Variants in WNK1 observed in about 807,000 individuals in gnomAD.
WNK1 encodes the protein WNK lysine deficient protein kinase 1, also known as serine/threonine-protein kinase WNK1.
In WNK1, 38 loss-of-function variants were observed where a neutral mutation model predicts 222.8. The observed-to-expected ratio is 0.17, with a 90% CI of 0.13 to 0.22. The LOEUF is 0.22. Among genes scored for constraint, WNK1 ranks in the 10% least tolerant of loss-of-function variants. WNK1 has a pLI of 1.00. For missense variants in WNK1, 2,348 were observed against 2,918.4 expected (o/e 0.80, Z 4.50); for synonymous variants, 1,090 against 1,092.9 (o/e 1.00, Z 0.05).
In WNK1 at chr12:845,434, A is replaced by G. The variant is rs180877080; in HGVS notation, c.1312-11727A>G. On this transcript the variant is annotated intron_variant, in intron 4 of 27. Transcript: ENST00000315939. ...ATTGTGTATACCCTGGCTATTAGTA[A>G]CCAGTAAACCACTCTCCCCCTTCTG... 1.3e-4 allele frequency among the ~76,000 whole-genome samples: 20 copies of G among 152,234 alleles called. No homozygotes were observed. The East Asian group carries it at 3.7e-3, about 28-fold the overall frequency.
At chr12:846,398 TTATA>T (rs1190569964) in intron 4 of WNK1, among the ~76,000 whole-genome samples, 1 of 152,192 alleles carries the variant, frequency 6.6e-6, no homozygotes, top group East Asian at 1.9e-4. Flanking sequence ...TATCAACTTT[TTATA>T]TGAAGGATAG....
chr12:793,675 A>G (rs1435122720), intron 1 of WNK1, among the ~76,000 whole-genome samples: 4 of 152,312 alleles, frequency 2.6e-5, no homozygotes, highest in South Asian at 2.1e-4. Flanking sequence ...TAGAAGCACT[A>G]TAGGTTGACT....
chr12:828,267 C>G (rs1472505586), intron 3 of WNK1, among the ~76,000 whole-genome samples: 3 of 151,988 alleles, frequency 2.0e-5, no homozygotes, highest in African/African-American at 7.2e-5. Context: ...GATTGCGCCA[C>G]TGCACTCTAG....
chr12:863,531 TA>T (rs1951377448), intron 8 of WNK1, among the ~76,000 whole-genome samples: 1 of 152,144 alleles, frequency 6.6e-6, no homozygotes, highest in African/African-American at 2.4e-5. Context: ...TTTTCTGGAT[TA>T]TTATAACTAG....
chr12:872,238 G>T (rs1418888915), intron 9 of WNK1, among the ~76,000 whole-genome samples: 1 of 152,096 alleles, frequency 6.6e-6, no homozygotes, highest in African/African-American at 2.4e-5. Flanking sequence ...CTATTCTCAC[G>T]CCTCAGCCGC....
At chr12:785,552 C>A (rs1024178041) in intron 1 of WNK1, among the ~76,000 whole-genome samples, 1 of 152,086 alleles carries the variant, frequency 6.6e-6, no homozygotes. Flanking sequence ...CACCCGCCAC[C>A]ACGCCCAGCT....
Position 776,967 on chromosome 12 carries a change from GTGT to G in WNK1, c.759+22646_759+22648del, listed in dbSNP as rs530419738. Among the ~76,000 whole-genome samples, 162 of 152,292 alleles carry G rather than the reference GTGT, an allele frequency of 1.1e-3. 5 individuals are homozygous for G. In the South Asian group the frequency reaches 0.033, roughly 31 times the overall value. Reference sequence around the variant, plus strand: ...ACACAGAGTAGCTATTCATTCAGAAGTGTTGAAGATAAAAAGACTGTACTAAAT... The same window carrying G: ...ACACAGAGTAGCTATTCATTCAGAAGTGAAGATAAAAAGACTGTACTAAAT... On this transcript the variant is annotated intron_variant, in intron 1 of 27. Coordinates refer to ENST00000315939, the MANE Select transcript of WNK1 (RefSeq NM_018979.4).
At chr12:871,492 G>A (rs563957915) in intron 9 of WNK1, 144 bp downstream of exon 9, 8 of 762,354 alleles carry the variant, frequency 1.0e-5, no homozygotes, top group Admixed American at 7.7e-5. Context: ...CAGTAACAAA[G>A]AAAAAAAAGA....
rs2154074536 is a variant in WNK1 at position 871,463 on chromosome 12, G to A, written c.2223+115G>A. 7 of 950,652 alleles carry A rather than the reference G, an allele frequency of 7.4e-6. No homozygotes were observed. In the South Asian group the frequency reaches 9.5e-5, roughly 13 times the overall value. 58.9% of individuals were successfully genotyped at this position (950,652 alleles called of 1,614,324 possible). The stretch of plus-strand genomic sequence containing the variant: ...AAGTTTTTGAAAGGAAAATTAAGAG[G>A]CATACCATGTCTTGTGTTCAGTAAC... On this transcript the variant is annotated intron_variant, in intron 9 of 27. Transcript: ENST00000315939.
intron 1 of WNK1, among the ~76,000 whole-genome samples, chr12:798,282 C>T (rs1945523248): frequency 6.6e-6 from 1 of 151,898 alleles, no homozygotes; most frequent in Non-Finnish European, 1.5e-5. Context: ...ACCTCCGCCT[C>T]CCGGGTTCAC....
Position 909,724 on chromosome 12 carries a change from T to G in WNK1, c.*932T>G, listed in dbSNP as rs540380416. The stretch of plus-strand genomic sequence containing the variant: ...CTTGGACTTCTATTGCTTCTGCCAT[T>G]AGCATCAACTTACCAGACCCCAGAT... On this transcript the variant is annotated 3_prime_UTR_variant, in exon 28 of 28. Coordinates refer to ENST00000315939, the MANE Select transcript of WNK1 (RefSeq NM_018979.4). The G allele has an allele frequency of 1.3e-5, 2 of 152,368 alleles. No individual in the cohort carries two copies. The highest frequency in any genetic ancestry group is 3.9e-4 in the East Asian group (2 of 5,190). The allele number at this position is 152,368 out of a possible 1,614,324, so 9.4% of individuals were successfully genotyped here.
Position 907,710 on chromosome 12 carries a change from C to T in WNK1, c.6644-137C>T, listed in dbSNP as rs552826689. The T allele has an allele frequency of 6.8e-6, 7 of 1,027,384 alleles. No homozygotes were observed. The South Asian group carries it at 9.0e-5, about 13-fold the overall frequency. 63.6% of individuals were successfully genotyped at this position (1,027,384 alleles called of 1,614,324 possible). ...AAATGGCTAAACAAAACCTTGGAAT[C>T]TTCCCTCTTGCATGGCTTCCCAGTT... On this transcript the variant is annotated intron_variant, in intron 26 of 27. Transcript: ENST00000315939.
At chr12:869,255 A>G (rs1324819190) in intron 8 of WNK1, 3 of 1,115,116 alleles carry the variant, frequency 2.7e-6, no homozygotes, top group Non-Finnish European at 4.1e-6. Flanking sequence ...GGGGGTTGTG[A>G]ACTACATATA....
At chr12:906,387 A>G in intron 26 of WNK1, 3 of 985,300 alleles carry the variant, frequency 3.0e-6, no homozygotes, top group Non-Finnish European at 3.6e-6. Context: ...GCAGAAATAG[A>G]GTTCCTTCAT....
intron 1 of WNK1, among the ~76,000 whole-genome samples, chr12:792,148 TG>T (rs1181335826): frequency 6.6e-6 from 1 of 152,118 alleles, no homozygotes; most frequent in Non-Finnish European, 1.5e-5. Context: ...CAAAGTTTTT[TG>T]AAGGAAGAAG....
chr12:883,549 A>T lies in WNK1; in HGVS notation c.3644A>T (p.Tyr1215Phe). 1 of 1,614,178 alleles carries T rather than the reference A, an allele frequency of 6.2e-7. No homozygotes were observed. Among genetic ancestry groups the T allele is most frequent in the Non-Finnish European group, 8.5e-7 (1 of 1,180,022 alleles). The change falls in exon 16 of 28, where the codon TAT becomes TTT. Residue 1215 changes from tyrosine (Y) to phenylalanine (F), a missense_variant. By Grantham distance (22) the Tyr-to-Phe change is conservative. This residue lies in a region of WNK1 where 1,144 missense variants were observed against 1,273.6 expected (regional missense o/e 0.90). Coordinates refer to ENST00000315939, the MANE Select transcript of WNK1 (RefSeq NM_018979.4). ...GLESLQGKDD[Y>F]GFSGSQKLEG... is the part of the protein sequence containing the mutation. ...GAGAGTCTACAAGGAAAGGATGACT[A>T]TGGCTTTTCAGGTTCTCAGGTAGGT...
chr12:753,513 G>A lies in WNK1; in HGVS notation c.-53G>A, dbSNP rs535842536. 11 of 1,608,918 alleles carry A rather than the reference G, an allele frequency of 6.8e-6. No homozygotes were observed. The South Asian group carries it at 7.7e-5, about 11-fold the overall frequency. ...CTGCGCGGGCGGCTCGGCCCTTCAC[G>A]CCCTTTTCGTTCACGAATCCGAGCC... On this transcript the variant is annotated 5_prime_UTR_variant, in exon 1 of 28. Transcript: ENST00000315939. The surrounding 1 kb of genome is among the most constrained non-coding windows in gnomAD (Gnocchi z 5.2).
Position 885,532 on chromosome 12 carries a change from A to G in WNK1, c.4728A>G (p.Ile1576Met). 3.7e-6 allele frequency: 6 copies of G among 1,614,030 alleles called. No homozygotes were observed. The highest frequency in any genetic ancestry group is 5.1e-6 in the Non-Finnish European group (6 of 1,179,994). Reference protein sequence around the residue: ...GLHPLVIPSVIASTPILPQAA... With the variant: ...GLHPLVIPSVMASTPILPQAA... ...ATCCTTTGGTCATTCCATCAGTGAT[A>G]GCTTCTACTCCTATTCTTCCCCAAG... is the stretch of plus-strand genomic sequence containing the variant. The change falls in exon 19 of 28, where the codon ATA becomes ATG. Residue 1576 changes from isoleucine (I) to methionine (M), a missense_variant. Around this residue, in one of 13 missense-constraint regions of WNK1, gnomAD observed 1,144 missense variants for 1,273.6 expected, o/e 0.90. Transcript: ENST00000315939.
At position 911,392 on chromosome 12, in the gene WNK1, T is replaced by G. The variant is rs1469358733; in HGVS notation, c.*2600T>G. On this transcript the variant is annotated 3_prime_UTR_variant, in exon 28 of 28. Transcript: ENST00000315939. ...TAAGATTGCGCTTTGTGCTTCAGTT[T>G]GTTACCTTTGTAGACTTATTTAATG... 2 of 398,546 alleles carry G rather than the reference T, an allele frequency of 5.0e-6. No individual in the cohort carries two copies. Among genetic ancestry groups the G allele is most frequent in the Middle Eastern group, 6.2e-4 (1 of 1,610 alleles). The allele number at this position is 398,546 out of a possible 1,614,324, so 24.7% of individuals were successfully genotyped here.
Sources: gnomAD v4.1 joint callset for allele counts (sites outside exome capture counted in the v4.1 genomes callset) on GRCh38, gnomAD v4.1.1 for gene constraint, gnomAD v4.1.1 regional missense constraint, Gnocchi (gnomAD v3.1) non-coding constraint, MANE v1.5 for transcripts, NCBI Gene and HGNC (gene_info 2026-07-23, HGNC 2026-07-21) for gene names.